The following TTC7B variants were observed in gnomAD, a reference collection of about 807,000 sequenced individuals.
The protein encoded by TTC7B is tetratricopeptide repeat protein 7B.
In TTC7B, 28 loss-of-function variants were observed where a neutral mutation model predicts 106.8. The observed-to-expected ratio is 0.26, with a 90% confidence interval of 0.19 to 0.36. The LOEUF is 0.36. Ranked by LOEUF, TTC7B falls within the 10% of genes least tolerant of loss-of-function variation. The probability of loss-of-function intolerance (pLI) is 1.00; values close to 1 mark genes in which losing one functional copy is unlikely to be tolerated. For missense variants in TTC7B, 862 were observed against 1,076.4 expected (o/e 0.80, Z 2.79); for synonymous variants, 405 against 430.6 (o/e 0.94, Z 0.74).
chr14:90,656,189 G>A (rs897808937), intron 11 of TTC7B, among the ~76,000 whole-genome samples: 1 of 152,182 alleles, frequency 6.6e-6, no homozygotes, highest in Admixed American at 6.5e-5. Flanking sequence ...CTCTTCACTA[G>A]GCTTACTTTT....
At chr14:90,636,558 C>T (rs1286431) in intron 15 of TTC7B, among the ~76,000 whole-genome samples, 133,346 of 151,982 alleles carry the variant, frequency 0.88, 58,546 homozygotes, top group Admixed American at 0.91. Context: ...ATTAACAACT[C>T]AAACTAATAA....
chr14:90,795,064 G>A (rs953200271), intron 1 of TTC7B, among the ~76,000 whole-genome samples: 4 of 151,870 alleles, frequency 2.6e-5, no homozygotes, highest in East Asian at 3.9e-4. Context: ...TGACAAGAGG[G>A]AAAAAAGGCA....
chr14:90,548,179 G>C (rs975811424), intron 19 of TTC7B, among the ~76,000 whole-genome samples: 5 of 152,240 alleles, frequency 3.3e-5, no homozygotes, highest in Admixed American at 6.5e-5. Flanking sequence ...TGTTAGTGCA[G>C]AGAGCAGTGA....
intron 3 of TTC7B, among the ~76,000 whole-genome samples, chr14:90,778,736 G>A (rs1253060108): frequency 2.0e-5 from 3 of 152,204 alleles, no homozygotes; most frequent in African/African-American, 7.2e-5. Context: ...CAGGACCCCA[G>A]AGGCAGCCTC....
chr14:90,780,310 G>A (rs1295588963), intron 3 of TTC7B, among the ~76,000 whole-genome samples: 1 of 151,958 alleles, frequency 6.6e-6, no homozygotes, highest in African/African-American at 2.4e-5. Context: ...AAACCTGGGA[G>A]GCGGAGGTTG....
At chr14:90,625,498 G>A (rs1191681820) in intron 15 of TTC7B, among the ~76,000 whole-genome samples, 3 of 152,214 alleles carry the variant, frequency 2.0e-5, no homozygotes, top group Admixed American at 6.5e-5. Flanking sequence ...CCCAATCTCA[G>A]AAGGTGTTAT....
intron 4 of TTC7B, among the ~76,000 whole-genome samples, chr14:90,735,623 C>G (rs1889490798): frequency 6.6e-6 from 1 of 152,042 alleles, no homozygotes; most frequent in African/African-American, 2.4e-5. Flanking sequence ...CTTTGGAAGG[C>G]CAAGGTGGGT....
At position 90,689,577 on chromosome 14, in the gene TTC7B, T is replaced by A; in HGVS notation, c.913A>T (p.Thr305Ser). The A allele has an allele frequency of 6.2e-7, 1 of 1,613,930 alleles. No individual in the cohort carries two copies. Among genetic ancestry groups the A allele is most frequent in the Non-Finnish European group, 8.5e-7 (1 of 1,179,968 alleles). ...LRKGANTKTY[T>S]LTRRARVYSG... Reference sequence around the variant, plus strand: ...TAGACACGGGCTCTCCGAGTGAGAGTGTAGGTTTTTGTGTTTGCTCCTTTG... The same window carrying A: ...TAGACACGGGCTCTCCGAGTGAGAGAGTAGGTTTTTGTGTTTGCTCCTTTG... The change falls in exon 7 of 20, where the codon ACT (threonine) becomes TCT (serine). Residue 305 changes from threonine to serine, a missense_variant. Physicochemically the swap from Thr to Ser is moderately conservative, Grantham distance 58. Coordinates refer to ENST00000328459, the MANE Select transcript of TTC7B (RefSeq NM_001010854.2).
At chr14:90,719,743 G>T (rs1490879230) in intron 5 of TTC7B, among the ~76,000 whole-genome samples, 1 of 152,218 alleles carries the variant, frequency 6.6e-6, no homozygotes, top group Non-Finnish European at 1.5e-5. Flanking sequence ...AAGTAGATGG[G>T]TGTCAAGGGC....
chr14:90,676,085 C>T (rs1310452677), intron 9 of TTC7B: 2 of 152,996 alleles, frequency 1.3e-5, no homozygotes, highest in Non-Finnish European at 2.9e-5. Context: ...AGAAGACTGT[C>T]TCCTTTATAT....
In TTC7B at chr14:90,657,029, C is replaced by G; in HGVS notation, c.1341+145G>C. 1.5e-6 allele frequency: 1 copy of G among 688,836 alleles called. No individual in the cohort carries two copies. Among genetic ancestry groups the G allele is most frequent in the Non-Finnish European group, 2.4e-6 (1 of 418,832 alleles). 42.7% of individuals were successfully genotyped at this position (688,836 alleles called of 1,614,324 possible). On this transcript the variant is annotated intron_variant, in intron 11 of 19. Transcript: ENST00000328459. This position sits in a 1 kb window ranked among gnomAD's most constrained non-coding sequence, Gnocchi z 4.2. Reference sequence around the variant, plus strand: ...GGCCTGAGGAGGCCAGGGGCCCAGGCCCAGGGTCCGTGGCTCTACACAGTC... The same window carrying G: ...GGCCTGAGGAGGCCAGGGGCCCAGGGCCAGGGTCCGTGGCTCTACACAGTC...
intron 4 of TTC7B, among the ~76,000 whole-genome samples, chr14:90,738,229 C>G (rs971522902): frequency 6.6e-6 from 1 of 152,152 alleles, no homozygotes; most frequent in Non-Finnish European, 1.5e-5. Context: ...TTTCATCTAG[C>G]AATTTCGGCA....
At chr14:90,682,592 T>G (rs563492214) in intron 7 of TTC7B, among the ~76,000 whole-genome samples, 5 of 152,306 alleles carry the variant, frequency 3.3e-5, no homozygotes, top group African/African-American at 1.2e-4. Context: ...CTTCCTTTTG[T>G]GGCCTTCTCC....
chr14:90,786,900 C>A (rs142509889), intron 1 of TTC7B, among the ~76,000 whole-genome samples: 1 of 151,890 alleles, frequency 6.6e-6, no homozygotes, highest in African/African-American at 2.4e-5. Context: ...TACACATTAA[C>A]GTGGAGAGAG....
At chr14:90,737,518 C>T (rs146332228) in intron 4 of TTC7B, among the ~76,000 whole-genome samples, 285 of 149,756 alleles carry the variant, frequency 1.9e-3, no homozygotes, top group African/African-American at 6.8e-3. Context: ...AGAAGCCAGC[C>T]ATAAAAGATC....
chr14:90,672,118 A>G (rs1886656877), intron 9 of TTC7B, among the ~76,000 whole-genome samples: 1 of 152,224 alleles, frequency 6.6e-6, no homozygotes, highest in Non-Finnish European at 1.5e-5. Flanking sequence ...AAGAAGCAGG[A>G]AGACATGCTG....
chr14:90,699,703 GC>G (rs1385690525), intron 5 of TTC7B, among the ~76,000 whole-genome samples: 2 of 152,168 alleles, frequency 1.3e-5, no homozygotes, highest in Admixed American at 1.3e-4. Context: ...GAAACCGTCT[GC>G]CTTTCTCCAT....
intron 4 of TTC7B, among the ~76,000 whole-genome samples, chr14:90,735,556 C>T (rs1889487464): frequency 6.6e-6 from 1 of 150,674 alleles, no homozygotes; most frequent in Non-Finnish European, 1.5e-5. Context: ...TAGAAAAGAT[C>T]TGAGAATAAA....
rs761403917 is a variant in TTC7B at position 90,646,940 on chromosome 14, G to C, written c.1590+11C>G. 3 of 1,612,954 alleles carry C rather than the reference G, an allele frequency of 1.9e-6. No homozygotes were observed. In the East Asian group the frequency reaches 6.7e-5, roughly 36 times the overall value. On this transcript the variant is annotated intron_variant, in intron 14 of 19. Coordinates refer to ENST00000328459, the MANE Select transcript of TTC7B (RefSeq NM_001010854.2). ...AGTGCAGCAAGTATAGGAAACATTA[G>C]AGAAACTGACCTGTCTGGAGATGGC...
Sources: allele counts gnomAD v4.1 joint callset (sites outside exome capture counted in the v4.1 genomes callset), GRCh38; gene constraint gnomAD v4.1.1; non-coding constraint Gnocchi (gnomAD v3.1); transcripts MANE v1.5; gene names NCBI Gene and HGNC (gene_info 2026-07-23, HGNC 2026-07-21).